Variants in TYRO3 observed in about 807,000 individuals in gnomAD.
The protein encoded by TYRO3 is tyrosine-protein kinase receptor TYRO3.
A neutral mutation model predicts 95.2 loss-of-function variants in TYRO3; 38 were observed. That is an observed-to-expected ratio of 0.40 (90% CI 0.31 to 0.52). TYRO3 has a LOEUF of 0.52. TYRO3 is among the 20% of genes least tolerant of loss of function. The pLI is 0.56. For synonymous variants in TYRO3, 367 were observed against 432.9 expected (o/e 0.85, Z 1.89); for missense variants, 812 against 1,116.4 (o/e 0.73, Z 3.89).
Position 41,570,627 on chromosome 15 carries a change from G to A in TYRO3, c.1507G>A (p.Glu503Lys). Residue 503 changes from glutamate to lysine, a missense_variant, in exon 12 of 19, where the codon GAA becomes AAA. Physicochemically the swap from Glu to Lys is moderately conservative, Grantham distance 56. Transcript: ENST00000263798. Reference protein sequence around the residue: ...ATLDSLGISDELKEKLEDVLI... With the variant: ...ATLDSLGISDKLKEKLEDVLI... ...AGTGGACAGCTTGGGCATCAGCGAT[G>A]AACTAAAGGAAAAACTGGAGGATGT... is the stretch of plus-strand genomic sequence containing the variant. 1 of 1,614,122 alleles carries A rather than the reference G, an allele frequency of 6.2e-7. No individual in the cohort carries two copies. The highest frequency in any genetic ancestry group is 1.1e-5 in the South Asian group (1 of 91,060).
At chr15:41,570,880 C>G (rs749927522) in intron 12 of TYRO3, 158 bp from the exon 13 acceptor site, 51 of 918,830 alleles carry the variant, frequency 5.6e-5, no homozygotes, top group Non-Finnish European at 8.0e-5. Context: ...GGCTGAGGAG[C>G]TGCTCCCAGC....
rs2055774934 is a variant in TYRO3 at position 41,570,066 on chromosome 15, C to T, written c.1292C>T (p.Pro431Leu). ...CCTCACAGCCGCACATCCTGGGTACCTGTGGTCCTTGGTGTGCTAACGGCC... is the reference window on the plus strand; with the variant it reads ...CCTCACAGCCGCACATCCTGGGTACTTGTGGTCCTTGGTGTGCTAACGGCC... ...GPPHSRTSWVPVVLGVLTALV... is the reference protein window; with the variant it reads ...GPPHSRTSWVLVVLGVLTALV... Residue 431 changes from proline to leucine, a missense_variant, in exon 10 of 19, where the codon CCT becomes CTT. Physicochemically the swap from Pro to Leu is moderately conservative, Grantham distance 98. Transcript: ENST00000263798. 4 of 1,613,996 alleles carry T rather than the reference C, an allele frequency of 2.5e-6. No homozygotes were observed. The highest frequency in any genetic ancestry group is 3.4e-6 in the Non-Finnish European group (4 of 1,180,048).
At chr15:41,563,161 G>A (rs2055678885) in intron 4 of TYRO3, among the ~76,000 whole-genome samples, 1 of 152,030 alleles carries the variant, frequency 6.6e-6, no homozygotes, top group African/African-American at 2.4e-5. Flanking sequence ...GGTAGGGGGA[G>A]GTTAGCACAA....
intron 18 of TYRO3, among the ~76,000 whole-genome samples, chr15:41,576,482 C>T (rs1341897666): frequency 6.6e-6 from 1 of 151,826 alleles, no homozygotes; most frequent in Non-Finnish European, 1.5e-5. Context: ...TGTGTGCCAC[C>T]TTGCCCAACC....
chr15:41,568,156 G>A, intron 7 of TYRO3, 61 bp from the exon 8 acceptor site: 1 of 1,601,120 alleles, frequency 6.2e-7, no homozygotes, highest in Non-Finnish European at 8.5e-7. Context: ...CCAAAGGTCT[G>A]CATGGAATTA....
chr15:41,570,941 GT>G, intron 12 of TYRO3, 96 bp from the exon 13 acceptor site: 1 of 1,360,182 alleles, frequency 7.4e-7, no homozygotes, highest in Non-Finnish European at 1.0e-6. Context: ...TGGCCCCAGA[GT>G]CTGCTGACTG....
At chr15:41,565,240 C>T in intron 6 of TYRO3, 99 bp downstream of exon 6, 1 of 728,590 alleles carries the variant, frequency 1.4e-6, no homozygotes, top group Non-Finnish European at 2.4e-6. Flanking sequence ...GGGGCTTGGT[C>T]TGCAGCTCTT....
intron 7 of TYRO3, among the ~76,000 whole-genome samples, 197 bp downstream of exon 7, chr15:41,567,734 T>G (rs2055742308): frequency 6.6e-6 from 1 of 152,140 alleles, no homozygotes; most frequent in Non-Finnish European, 1.5e-5. Flanking sequence ...AAAGATCAGA[T>G]AATGTGGTTG....
chr15:41,562,526 C>A, intron 3 of TYRO3, 22 bp from the exon 4 acceptor site: 1 of 1,610,698 alleles, frequency 6.2e-7, no homozygotes, highest in South Asian at 1.1e-5. Flanking sequence ...AGGGCTCACT[C>A]CTCACTCCCC....
Position 41,567,445 on chromosome 15 carries a change from C to G in TYRO3, c.869C>G (p.Pro290Arg). ...PFTCLLRDLV[P>R]ATNYSLRVRC... ...ACCTGCCTGCTCCGGGACCTGGTGC[C>G]TGCCACCAACTACAGCCTCAGGGTG... The change falls in exon 7 of 19, where the codon CCT (proline) becomes CGT (arginine). Residue 290 changes from proline to arginine, a missense_variant. Coordinates refer to ENST00000263798, the MANE Select transcript of TYRO3 (RefSeq NM_006293.4). The G allele has an allele frequency of 6.2e-7, 1 of 1,609,714 alleles. No individual in the cohort carries two copies. The highest frequency in any genetic ancestry group is 8.5e-7 in the Non-Finnish European group (1 of 1,178,438).
At chr15:41,575,402 T>C (rs1208126282) in intron 18 of TYRO3, among the ~76,000 whole-genome samples, 1 of 152,170 alleles carries the variant, frequency 6.6e-6, no homozygotes, top group Non-Finnish European at 1.5e-5. Flanking sequence ...CAGCGCAGCC[T>C]CCTCCCCAGC....
In TYRO3 at chr15:41,581,037, A is replaced by AAG. The variant is rs1234333060; in HGVS notation, c.*2762_*2763insGA. On this transcript the variant is annotated 3_prime_UTR_variant, in exon 19 of 19. Transcript: ENST00000263798. ...ACCCCATCTCAACTAAAAATTCAAA[A>AAG]AAGTTTAGCCAGGCTTGGTGGCGCA... 6.5e-6 allele frequency: 1 copy of AAG among 152,866 alleles called. No individual in the cohort carries two copies. The highest frequency in any genetic ancestry group is 1.5e-5 in the Non-Finnish European group (1 of 68,034). 9.5% of individuals were successfully genotyped at this position (152,866 alleles called of 1,614,324 possible).
At chr15:41,560,972 C>T (rs111574553) in intron 1 of TYRO3, among the ~76,000 whole-genome samples, 155 bp from the exon 2 acceptor site, 12 of 152,360 alleles carry the variant, frequency 7.9e-5, no homozygotes, top group African/African-American at 2.9e-4. Flanking sequence ...GTCCAGCGAC[C>T]TTCCCTTCCA....
intron 1 of TYRO3, among the ~76,000 whole-genome samples, chr15:41,560,428 T>TGTGTGTGTGTGTGC (rs1408766845): frequency 4.9e-4 from 66 of 135,312 alleles, no homozygotes; most frequent in African/African-American, 1.1e-3. Flanking sequence ...TGTGTGTGTG[T>TGTGTGTGTGTGTGC]GCGCGCGCGC....
At chr15:41,573,913 T>C (rs1395464880) in intron 18 of TYRO3, 98 bp downstream of exon 18, 2 of 1,368,860 alleles carry the variant, frequency 1.5e-6, no homozygotes, top group African/African-American at 1.4e-5. Context: ...CTTTGTTTTT[T>C]GATAGAAACA....
chr15:41,565,218 A>G, intron 6 of TYRO3, 77 bp downstream of exon 6: 1 of 894,738 alleles, frequency 1.1e-6, no homozygotes, highest in Non-Finnish European at 1.8e-6. Context: ...CACACTCACT[A>G]GCCAGCTCCT....
In TYRO3 at chr15:41,581,009, G is replaced by A. The variant is rs970921294; in HGVS notation, c.*2733G>A. 7 of 152,252 alleles carry A rather than the reference G, an allele frequency of 4.6e-5. No homozygotes were observed. Among genetic ancestry groups the A allele is most frequent in the African/African-American group, 1.7e-4 (7 of 41,448 alleles). 9.4% of individuals were successfully genotyped at this position (152,252 alleles called of 1,614,324 possible). The stretch of plus-strand genomic sequence containing the variant: ...AGTTCGAGACCAGCCTGGGCAACAT[G>A]AAACCCCATCTCAACTAAAAATTCA... On this transcript the variant is annotated 3_prime_UTR_variant, in exon 19 of 19. Transcript: ENST00000263798.
Position 41,562,533 on chromosome 15 carries a change from C to T in TYRO3, c.410-15C>T, listed in dbSNP as rs777990368. On this transcript the variant is annotated splice_polypyrimidine_tract_variant and intron_variant, in intron 3 of 18. Coordinates refer to ENST00000263798, the MANE Select transcript of TYRO3 (RefSeq NM_006293.4). ...GAGGTGGCAGGGCTCACTCCTCACT[C>T]CCCTTCTCTCCTAGGTGTGCCATTT... 26 of 1,506,106 alleles carry T rather than the reference C, an allele frequency of 1.7e-5. No individual in the cohort carries two copies. Among genetic ancestry groups the T allele is most frequent in the Non-Finnish European group, 2.4e-5 (26 of 1,105,872 alleles). The allele number at this position is 1,506,106 out of a possible 1,614,324, so 93.3% of individuals were successfully genotyped here.
Position 41,568,995 on chromosome 15 carries a change from CTGG to C in TYRO3, c.1230_1232del (p.Val411del). 6.2e-7 allele frequency: 1 copy of C among 1,614,108 alleles called. No individual in the cohort carries two copies. The highest frequency in any genetic ancestry group is 8.5e-7 in the Non-Finnish European group (1 of 1,180,026). ...TGGCTGTGGACCCTGGAGTCAGCCA[CTGG>C]TGGTCTCTTCTCATGACCGTGCAGG... On this transcript the variant is annotated inframe_deletion, in exon 9 of 19. Coordinates refer to ENST00000263798, the MANE Select transcript of TYRO3 (RefSeq NM_006293.4).
Sources: gnomAD v4.1 joint callset for allele counts (sites outside exome capture counted in the v4.1 genomes callset) on GRCh38, gnomAD v4.1.1 for gene constraint, MANE v1.5 for transcripts, NCBI Gene and HGNC (gene_info 2026-07-23, HGNC 2026-07-21) for gene names.